The following DDX60L variants were observed in gnomAD, a reference collection of about 807,000 sequenced individuals.
DDX60L encodes probable ATP-dependent RNA helicase DDX60-like.
A neutral mutation model predicts 211.6 loss-of-function variants in DDX60L; 191 were observed. The observed-to-expected ratio is 0.90, with a 90% CI of 0.80 to 1.02. The LOEUF is 1.02. DDX60L is among the 50% of genes least tolerant of loss of function. The pLI is 0.00. For synonymous variants in DDX60L, 706 were observed against 694.1 expected (o/e 1.02, Z -0.27); for missense variants, 2,007 against 1,984.1 (o/e 1.01, Z -0.22).
At chr4:168,442,639 T>C (rs1318632725) in intron 9 of DDX60L, among the ~76,000 whole-genome samples, 2 of 151,840 alleles carry the variant, frequency 1.3e-5, no homozygotes, top group South Asian at 2.1e-4. Context: ...CTGACAGCTT[T>C]GAAGAGAGCA....
At chr4:168,434,595 C>T (rs1291634088) in intron 10 of DDX60L, among the ~76,000 whole-genome samples, 1 of 152,206 alleles carries the variant, frequency 6.6e-6, no homozygotes, top group Non-Finnish European at 1.5e-5. Flanking sequence ...CAAGTGGCAG[C>T]ACTTAATCAC....
At chr4:168,437,755 T>C (rs912696252) in intron 10 of DDX60L, among the ~76,000 whole-genome samples, 2 of 152,202 alleles carry the variant, frequency 1.3e-5, no homozygotes, top group Non-Finnish European at 2.9e-5. Flanking sequence ...TCACTATGAC[T>C]CAGTATACCG....
intron 11 of DDX60L, 50 bp downstream of exon 11, chr4:168,432,960 A>G: frequency 1.7e-6 from 2 of 1,144,368 alleles, no homozygotes; most frequent in Non-Finnish European, 2.6e-6. Flanking sequence ...TCACTTCACT[A>G]GTATTTTCAA....
intron 37 of DDX60L, among the ~76,000 whole-genome samples, chr4:168,359,213 CT>C (rs1738690181): frequency 6.6e-6 from 1 of 152,174 alleles, no homozygotes; most frequent in East Asian, 1.9e-4. Context: ...TCCTCAGTGG[CT>C]GAATATTAGG....
Position 168,422,563 on chromosome 4 carries a change from C to T in DDX60L, c.2205G>A (p.Arg735=). 3 of 1,613,310 alleles carry T rather than the reference C, an allele frequency of 1.9e-6. No individual in the cohort carries two copies. Among genetic ancestry groups the T allele is most frequent in the Non-Finnish European group, 2.5e-6 (3 of 1,179,756 alleles). Residue 735 remains arginine, a synonymous_variant, in exon 16 of 38, where the codon CGG becomes CGA. Transcript: ENST00000682922. ...HYLIRDERKD[R]DPRVQDFIPN... ...GAATAAAATCCTGGACCCTGGGATC[C>T]CGATCTTTTCTTTCATCTCTTATCA... is the stretch of plus-strand genomic sequence containing the variant.
At position 168,396,120 on chromosome 4, in the gene DDX60L, T is replaced by C. The variant is rs77120469; in HGVS notation, c.3496A>G (p.Lys1166Glu). The C allele has an allele frequency of 1.4e-6, 2 of 1,455,570 alleles. No individual in the cohort carries two copies. The highest frequency in any genetic ancestry group is 2.7e-5 in the Admixed American group (1 of 37,048). 90.2% of individuals were successfully genotyped at this position (1,455,570 alleles called of 1,614,324 possible). A position where few individuals can be genotyped will look rare whatever the true frequency, so the allele number is the denominator to read the frequency against. The change falls in exon 27 of 38, where the codon AAA becomes GAA. Residue 1166 changes from lysine to glutamate, a missense_variant. Lys to Glu is a moderately conservative substitution (Grantham distance 56, BLOSUM62 1). Transcript: ENST00000682922. Reference protein sequence around the residue: ...KVRKTQKRITKKNPKKAEKLE... With the variant: ...KVRKTQKRITEKNPKKAEKLE... ...TTTTCAGCCTTCTTTGGGTTTTTTT[T>C]AGTGCTACTATTTAAAAAAAAAAAA...
chr4:168,446,725 C>T lies in DDX60L; in HGVS notation c.1138+1913G>A, dbSNP rs1183598208. Reference sequence around the variant, plus strand: ...AGAACAGAGCCCTCAGAAATAACACCGCATATCTACAACTATCTGATCTTT... The same window carrying T: ...AGAACAGAGCCCTCAGAAATAACACTGCATATCTACAACTATCTGATCTTT... On this transcript the variant is annotated intron_variant, in intron 9 of 37. Transcript: ENST00000682922. Among the ~76,000 whole-genome samples, 10 of 145,396 alleles carry T rather than the reference C, an allele frequency of 6.9e-5. No individual in the cohort carries two copies. The South Asian group carries it at 1.4e-3, about 20-fold the overall frequency.
chr4:168,439,056 A>G (rs766139106), intron 10 of DDX60L, among the ~76,000 whole-genome samples: 2 of 152,170 alleles, frequency 1.3e-5, no homozygotes, highest in Non-Finnish European at 2.9e-5. Flanking sequence ...CGTTGGTTGT[A>G]TGCAGTATAG....
intron 22 of DDX60L, among the ~76,000 whole-genome samples, chr4:168,411,308 A>T (rs947613017): frequency 6.6e-6 from 1 of 152,202 alleles, no homozygotes; most frequent in Non-Finnish European, 1.5e-5. Context: ...TCACTGAAGG[A>T]GGCACTGAAG....
intron 14 of DDX60L, among the ~76,000 whole-genome samples, chr4:168,424,744 G>A (rs956279258): frequency 7.2e-5 from 11 of 152,062 alleles, no homozygotes; most frequent in African/African-American, 2.7e-4. Flanking sequence ...AACATCTGTA[G>A]CAGAAACTGA....
At chr4:168,416,590 C>T (rs17054123) in intron 20 of DDX60L, 92 bp downstream of exon 20, 110,309 of 663,322 alleles carry the variant, frequency 0.17, 10,655 homozygotes, top group African/African-American at 0.32. Flanking sequence ...TGAAAGTTAT[C>T]ATAGAAAAAA....
intron 1 of DDX60L, among the ~76,000 whole-genome samples, chr4:168,474,375 T>C (rs1348840676): frequency 6.6e-6 from 1 of 152,076 alleles, no homozygotes; most frequent in Admixed American, 6.6e-5. Flanking sequence ...TCGTCAGATA[T>C]AACATACTGA....
rs368307769 is a variant in DDX60L at position 168,358,100 on chromosome 4, C to A, written c.*47G>T. The A allele has an allele frequency of 2.4e-5, 37 of 1,541,544 alleles. No individual in the cohort carries two copies. The highest frequency in any genetic ancestry group is 3.2e-5 in the Non-Finnish European group (36 of 1,129,872). ...GTAAGCTTAATTATATCTCTCCTTG[C>A]AAAGGGATAAATACCACATAATCAG... On this transcript the variant is annotated 3_prime_UTR_variant, in exon 38 of 38. Coordinates refer to ENST00000682922, the MANE Select transcript of DDX60L (RefSeq NM_001012967.3).
intron 29 of DDX60L, chr4:168,390,615 G>C: frequency 1.3e-6 from 1 of 763,924 alleles, no homozygotes; most frequent in Non-Finnish European, 1.9e-6. Flanking sequence ...TTTATATTTC[G>C]AGACTAGGCA....
At position 168,441,353 on chromosome 4, in the gene DDX60L, C is replaced by T; in HGVS notation, c.1278G>A (p.Glu426=). 1 of 1,607,916 alleles carries T rather than the reference C, an allele frequency of 6.2e-7. No individual in the cohort carries two copies. Among genetic ancestry groups the T allele is most frequent in the Non-Finnish European group, 8.5e-7 (1 of 1,177,584 alleles). Residue 426 remains glutamate, a synonymous_variant, in exon 10 of 38, where the codon GAG becomes GAA. Transcript: ENST00000682922. ...RTTRRHFLRQ[E]KSVIQEISLE... ...ATTTAGTACCTTGAATGACCGATTT[C>T]TCTTGTCTAAGAAAATGTCTTCTTG...
At chr4:168,410,189 A>T (rs1235045470) in intron 22 of DDX60L, among the ~76,000 whole-genome samples, 3 of 152,188 alleles carry the variant, frequency 2.0e-5, no homozygotes, top group Non-Finnish European at 4.4e-5. Context: ...GGTGTCATTT[A>T]AAAAGTACAA....
chr4:168,477,240 C>T (rs1458305030), intron 1 of DDX60L, among the ~76,000 whole-genome samples: 1 of 151,968 alleles, frequency 6.6e-6, no homozygotes, highest in African/African-American at 2.4e-5. Flanking sequence ...ATGGTGAAAC[C>T]CTGTCTCTAC....
chr4:168,458,226 A>G (rs1291143577), intron 5 of DDX60L, among the ~76,000 whole-genome samples: 1 of 152,200 alleles, frequency 6.6e-6, no homozygotes, highest in East Asian at 1.9e-4. Context: ...TAGTTCAACC[A>G]TTATGGAAGA....
chr4:168,437,598 C>T (rs1394637957), intron 10 of DDX60L, among the ~76,000 whole-genome samples: 4 of 152,176 alleles, frequency 2.6e-5, no homozygotes, highest in African/African-American at 9.7e-5. Context: ...TACTCTCCTC[C>T]CTCTTGCAGT....
Sources: allele counts gnomAD v4.1 joint callset (sites outside exome capture counted in the v4.1 genomes callset), GRCh38; gene constraint gnomAD v4.1.1; transcripts MANE v1.5; gene names NCBI Gene and HGNC (gene_info 2026-07-23, HGNC 2026-07-21).